Variants in TMC1 observed in about 807,000 individuals in gnomAD.
TMC1 encodes the protein transmembrane channel-like protein 1.
A neutral mutation model predicts 105.8 loss-of-function variants in TMC1; 84 were observed. The ratio of observed to expected loss-of-function variants is 0.79; its 90% confidence interval spans 0.67 to 0.95. The LOEUF (loss-of-function observed/expected upper bound fraction) is 0.95, where lower values mean the gene tolerates loss of function less well. Ranked by LOEUF, TMC1 falls within the 40% of genes least tolerant of loss-of-function variation. The pLI is 0.00. For missense variants in TMC1, 817 were observed against 914.1 expected, an observed-to-expected ratio of 0.89 and a Z score of 1.37; for synonymous variants, 315 against 311.5, an observed-to-expected ratio of 1.01 and a Z score of -0.12.
At chr9:72,763,985 A>G (rs1474110524) in intron 12 of TMC1, among the ~76,000 whole-genome samples, 3 of 152,176 alleles carry the variant, frequency 2.0e-5, no homozygotes, top group Non-Finnish European at 2.9e-5. Context: ...GGAATTTTCT[A>G]TATCTAAATA....
At position 72,836,066 on chromosome 9, in the gene TMC1, C is replaced by T. The variant is rs184207177; in HGVS notation, c.*93C>T. On this transcript the variant is annotated 3_prime_UTR_variant, in exon 24 of 24. Coordinates refer to ENST00000297784, the MANE Select transcript of TMC1 (RefSeq NM_138691.3). Reference sequence around the variant, plus strand: ...CGCCCAGAGAACAAGCACTGTGGAACTGCTATTTTCCTGTTCTACCCTTGA... The same window carrying T: ...CGCCCAGAGAACAAGCACTGTGGAATTGCTATTTTCCTGTTCTACCCTTGA... The T allele has an allele frequency of 5.1e-4, 730 of 1,426,912 alleles. 4 individuals are homozygous for T. In the Middle Eastern group the frequency reaches 5.5e-3, roughly 11 times the overall value. The allele number at this position is 1,426,912 out of a possible 1,614,324, so 88.4% of individuals were successfully genotyped here.
At chr9:72,737,208 G>A (rs1051898807) in intron 8 of TMC1, among the ~76,000 whole-genome samples, 1 of 152,120 alleles carries the variant, frequency 6.6e-6, no homozygotes, top group Non-Finnish European at 1.5e-5. Flanking sequence ...TTTACCTGGC[G>A]TTTCTTGTGG....
At chr9:72,610,910 G>A (rs867150895) in intron 2 of TMC1, among the ~76,000 whole-genome samples, 1 of 152,194 alleles carries the variant, frequency 6.6e-6, no homozygotes, top group Non-Finnish European at 1.5e-5. Context: ...AAGAAGATGA[G>A]GAAGTTAATT....
chr9:72,543,188 C>T (rs1158639655), intron 1 of TMC1, among the ~76,000 whole-genome samples: 2 of 152,180 alleles, frequency 1.3e-5, no homozygotes, highest in African/African-American at 2.4e-5. Context: ...AGTGACCTCA[C>T]CATCCACTAA....
intron 2 of TMC1, among the ~76,000 whole-genome samples, chr9:72,603,967 A>G (rs934944417): frequency 3.3e-4 from 49 of 149,002 alleles, no homozygotes; most frequent in Non-Finnish European, 4.4e-5. Flanking sequence ...CCTGGGTTCA[A>G]GCAATTCTCC....
chr9:72,728,015 C>T (rs566035658), intron 8 of TMC1, among the ~76,000 whole-genome samples: 1 of 152,154 alleles, frequency 6.6e-6, no homozygotes, highest in South Asian at 2.1e-4. Flanking sequence ...GTGTAAAATT[C>T]TTTTTCCCTC....
intron 1 of TMC1, among the ~76,000 whole-genome samples, chr9:72,525,915 G>T (rs1341797173): frequency 6.6e-6 from 1 of 151,862 alleles, no homozygotes. Context: ...TTGAACCTGG[G>T]AGGTGGAGGT....
intron 2 of TMC1, among the ~76,000 whole-genome samples, chr9:72,579,440 C>T (rs1824439784): frequency 6.6e-6 from 1 of 152,184 alleles, no homozygotes; most frequent in East Asian, 1.9e-4. Context: ...GTAGACTCCA[C>T]TCAGTCCTTT....
chr9:72,763,737 G>C (rs747316655), intron 12 of TMC1, among the ~76,000 whole-genome samples: 6 of 151,996 alleles, frequency 3.9e-5, no homozygotes, highest in Non-Finnish European at 8.8e-5. Context: ...AGAGACAGAA[G>C]GGAACCAAAG....
intron 1 of TMC1, among the ~76,000 whole-genome samples, chr9:72,557,677 C>T (rs1356814179): frequency 6.6e-6 from 1 of 152,190 alleles, no homozygotes; most frequent in African/African-American, 2.4e-5. Context: ...GTGTCAGGGA[C>T]AGCAGTGGGA....
At chr9:72,585,731 G>A (rs918033704) in intron 2 of TMC1, among the ~76,000 whole-genome samples, 4 of 152,176 alleles carry the variant, frequency 2.6e-5, no homozygotes, top group Admixed American at 2.6e-4. Flanking sequence ...GTCATATAGT[G>A]ATGGTGTGCA....
intron 6 of TMC1, among the ~76,000 whole-genome samples, 190 bp downstream of exon 6, chr9:72,688,946 A>G (rs1195824633): frequency 6.6e-6 from 1 of 152,120 alleles, no homozygotes; most frequent in Admixed American, 6.6e-5. Flanking sequence ...AGTTGGCACT[A>G]TAAGGGCCAA....
intron 5 of TMC1, among the ~76,000 whole-genome samples, chr9:72,673,421 T>C (rs1043797763): frequency 6.6e-6 from 1 of 152,164 alleles, no homozygotes; most frequent in African/African-American, 2.4e-5. Context: ...CAAAACTTGT[T>C]ATTATACAGA....
At chr9:72,589,479 C>T (rs541583326) in intron 2 of TMC1, among the ~76,000 whole-genome samples, 38 of 152,226 alleles carry the variant, frequency 2.5e-4, no homozygotes, top group Admixed American at 1.0e-3. Context: ...GTAATGATAG[C>T]TTAAGTTTCA....
At chr9:72,788,527 A>G in intron 14 of TMC1, 44 bp downstream of exon 14, 3 of 1,607,776 alleles carry the variant, frequency 1.9e-6, no homozygotes, top group Non-Finnish European at 1.7e-6. Context: ...TATTTCTAAG[A>G]GTAAAATTGG....
At chr9:72,792,410 T>C in intron 17 of TMC1, 58 bp downstream of exon 17, 3 of 1,602,544 alleles carry the variant, frequency 1.9e-6, no homozygotes, top group Non-Finnish European at 1.7e-6. Context: ...AGAGTCAATA[T>C]CTCTTCCATA....
At position 72,830,548 on chromosome 9, in the gene TMC1, C is replaced by T; in HGVS notation, c.2208+19C>T. ...GAAAATGGTATGATACAATTTATTTCATAGAAATATTATCTTTATTAATGT... is the reference window on the plus strand; with the variant it reads ...GAAAATGGTATGATACAATTTATTTTATAGAAATATTATCTTTATTAATGT... On this transcript the variant is annotated intron_variant, in intron 22 of 23. Transcript: ENST00000297784. The T allele has an allele frequency of 1.2e-6, 2 of 1,607,362 alleles. No individual in the cohort carries two copies. The highest frequency in any genetic ancestry group is 2.2e-5 in the South Asian group (2 of 90,826).
At chr9:72,664,209 A>G (rs188420727) in intron 5 of TMC1, among the ~76,000 whole-genome samples, 11 of 152,332 alleles carry the variant, frequency 7.2e-5, no homozygotes, top group Admixed American at 6.5e-4. Context: ...ATTATCAAGT[A>G]TTATGTACTA....
chr9:72,836,852 G>A lies in TMC1; in HGVS notation c.*879G>A, dbSNP rs558166273. The A allele has an allele frequency of 6.6e-6, 1 of 152,280 alleles. No homozygotes were observed. The highest frequency in any genetic ancestry group is 2.1e-4 in the South Asian group (1 of 4,824). The allele number at this position is 152,280 out of a possible 1,614,324, so 9.4% of individuals were successfully genotyped here. ...TCCTTGGAGGGAAGAATTCAGCTGA[G>A]GGGCAGAAGTAGGTTTATGGCAGAG... On this transcript the variant is annotated 3_prime_UTR_variant, in exon 24 of 24. Transcript: ENST00000297784.
Sources: allele counts gnomAD v4.1 joint callset (sites outside exome capture counted in the v4.1 genomes callset), GRCh38; gene constraint gnomAD v4.1.1; transcripts MANE v1.5; gene names NCBI Gene and HGNC (gene_info 2026-07-23, HGNC 2026-07-21).